The following BECN1 variants were observed in gnomAD, a reference collection of about 807,000 sequenced individuals.
The protein encoded by BECN1 is beclin 1, also known as beclin-1.
A neutral mutation model predicts 60.1 loss-of-function variants in BECN1; 15 were observed. That is an observed-to-expected ratio of 0.25 (90% CI 0.17 to 0.38). The LOEUF is 0.38. Ranked by LOEUF, BECN1 falls within the 10% of genes least tolerant of loss-of-function variation. The pLI, the probability that BECN1 is intolerant of heterozygous loss-of-function variation, is 1.00. For synonymous variants in BECN1, 179 were observed against 201.8 expected, an observed-to-expected ratio of 0.89 and a Z score of 0.96; for missense variants, 424 against 548.2, an observed-to-expected ratio of 0.77 and a Z score of 2.26.
At chr17:42,811,616 G>C (rs2055008128) in intron 11 of BECN1, 39 bp downstream of exon 11, 1 of 1,577,070 alleles carries the variant, frequency 6.3e-7, no homozygotes, top group African/African-American at 1.4e-5. Flanking sequence ...TGTTCAATTT[G>C]GTCCTATACA....
At chr17:42,811,013 C>A in intron 11 of BECN1, 85 bp from the exon 12 acceptor site, 1 of 1,345,170 alleles carries the variant, frequency 7.4e-7, no homozygotes, top group South Asian at 1.6e-5. Context: ...TGGGACCATT[C>A]ACGTCATTTT....
intron 6 of BECN1, 44 bp downstream of exon 6, chr17:42,818,500 T>A (rs1256721329): frequency 1.2e-6 from 2 of 1,613,656 alleles, no homozygotes; most frequent in East Asian, 2.2e-5. Flanking sequence ...CCAAGCAGTC[T>A]CAGAGCAGTA....
At chr17:42,821,872 A>G (rs761434364) in intron 2 of BECN1, among the ~76,000 whole-genome samples, 2 of 152,182 alleles carry the variant, frequency 1.3e-5, no homozygotes, top group South Asian at 2.1e-4. Context: ...TCTTGACTAT[A>G]TATGTCTCAA....
At chr17:42,818,986 G>A (rs373493084) in intron 4 of BECN1, 109 bp from the exon 5 acceptor site, 13 of 1,247,516 alleles carry the variant, frequency 1.0e-5, no homozygotes, top group Non-Finnish European at 1.4e-5. Flanking sequence ...GGGGCCTCAA[G>A]GAACATACCC....
intron 2 of BECN1, among the ~76,000 whole-genome samples, chr17:42,821,944 C>T (rs1442530578): frequency 1.3e-5 from 2 of 152,214 alleles, no homozygotes; most frequent in Non-Finnish European, 2.9e-5. Context: ...CGGTGGCTCA[C>T]GCCTGTAGTC....
intron 7 of BECN1, among the ~76,000 whole-genome samples, chr17:42,816,627 C>A (rs1299429460): frequency 7.5e-6 from 1 of 134,088 alleles, no homozygotes; most frequent in African/African-American, 2.8e-5. Context: ...CCAGACTGGG[C>A]AACAGAGCCG....
chr17:42,819,215 C>T, intron 4 of BECN1: 2 of 462,892 alleles, frequency 4.3e-6, no homozygotes, highest in Non-Finnish European at 3.8e-6. Flanking sequence ...TTACCTGCAG[C>T]AATGAGAACT....
intron 4 of BECN1, 23 bp downstream of exon 4, chr17:42,819,524 TG>T: frequency 6.2e-7 from 1 of 1,611,758 alleles, no homozygotes; most frequent in Non-Finnish European, 8.5e-7. Context: ...TGGCAAGGAA[TG>T]GGGGCTGAGA....
In BECN1 at chr17:42,814,436, C is replaced by T. The variant is rs142705970; in HGVS notation, c.980+88G>A. 372 of 1,554,880 alleles carry T rather than the reference C, an allele frequency of 2.4e-4. 1 individual carries two copies. In the East Asian group the frequency reaches 7.6e-3, roughly 32 times the overall value. On this transcript the variant is annotated intron_variant, in intron 9 of 11. Coordinates refer to ENST00000590099, the MANE Select transcript of BECN1 (RefSeq NM_001313998.2). ...ACTCCCAGTCTGTGGGCAGCAAGGG[C>T]TCCTGACATGGTGGACAGCAGTACC... is the stretch of plus-strand genomic sequence containing the variant.
At chr17:42,813,052 G>T (rs1478329477) in intron 10 of BECN1, among the ~76,000 whole-genome samples, 1 of 145,680 alleles carries the variant, frequency 6.9e-6, no homozygotes, top group Non-Finnish European at 1.5e-5. Context: ...CACTGTGTTA[G>T]CCAGGATGGT....
chr17:42,822,107 G>T (rs140184461), intron 2 of BECN1, among the ~76,000 whole-genome samples: 8 of 152,110 alleles, frequency 5.3e-5, no homozygotes, highest in Admixed American at 3.3e-4. Flanking sequence ...GGAGGCTGAC[G>T]CAGGACAATC....
chr17:42,811,591 C>T, intron 11 of BECN1, 64 bp downstream of exon 11: 1 of 1,552,106 alleles, frequency 6.4e-7, no homozygotes, highest in Non-Finnish European at 8.7e-7. Context: ...TCCATTATTA[C>T]TGCTGCTTCA....
chr17:42,819,579 C>T lies in BECN1; in HGVS notation c.229G>A (p.Gly77Ser). The change falls in exon 4 of 12, where the codon GGT (glycine) becomes AGT (serine). Residue 77 changes from glycine to serine, a missense_variant. This residue lies in a region of BECN1 where 96 missense variants were observed against 125.6 expected (regional missense o/e 0.76). Transcript: ENST00000590099. ...EPFIETPRQD[G>S]VSRRFIPPAR... ...GGGGGGATGAATCTGCGAGAGACAC[C>T]ATCCTGGCGAGGAGTTTCAATAAAT... 6.2e-7 allele frequency: 1 copy of T among 1,613,684 alleles called. No individual in the cohort carries two copies. The highest frequency in any genetic ancestry group is 8.5e-7 in the Non-Finnish European group (1 of 1,179,946).
chr17:42,811,568 A>G (rs951724627), intron 11 of BECN1, 87 bp downstream of exon 11: 4 of 1,518,794 alleles, frequency 2.6e-6, no homozygotes, highest in African/African-American at 1.4e-5. Context: ...CCCACCATTT[A>G]TACTGTTTTG....
In BECN1 at chr17:42,818,696, A is replaced by T. The variant is rs770241790; in HGVS notation, c.352-16T>A. On this transcript the variant is annotated splice_polypyrimidine_tract_variant and intron_variant, in intron 5 of 11. Transcript: ENST00000590099. ...CCCCAGTGACCTGGAAGTGTGGGAG[A>T]GTCAGGGTAGGGCCTCCCCCATGCT... The T allele has an allele frequency of 2.5e-6, 4 of 1,613,972 alleles. No individual in the cohort carries two copies. The highest frequency in any genetic ancestry group is 3.4e-6 in the Non-Finnish European group (4 of 1,179,962).
At chr17:42,814,314 T>G in intron 9 of BECN1, 2 of 640,046 alleles carry the variant, frequency 3.1e-6, no homozygotes, top group South Asian at 4.2e-5. Flanking sequence ...GGCTGGGAAC[T>G]ATGCTATAGT....
chr17:42,823,908 G>C (rs2055330732), intron 1 of BECN1, 29 bp from the exon 2 acceptor site: 3 of 1,606,454 alleles, frequency 1.9e-6, no homozygotes, highest in Non-Finnish European at 2.6e-6. Flanking sequence ...GGCAACATTA[G>C]GGAGAAGCGA....
Position 42,815,890 on chromosome 17 carries a change from T to TC in BECN1, c.830+17dup, listed in dbSNP as rs2055135007. Reference sequence around the variant, plus strand: ...GTCTAGATATGTGCAGTGCTCCTCATCCCCTAGCTCTCATTACCAGATGTG... The same window carrying TC: ...GTCTAGATATGTGCAGTGCTCCTCATCCCCCTAGCTCTCATTACCAGATGTG... On this transcript the variant is annotated intron_variant, in intron 8 of 11. Coordinates refer to ENST00000590099, the MANE Select transcript of BECN1 (RefSeq NM_001313998.2). 2 of 1,614,128 alleles carry TC rather than the reference T, an allele frequency of 1.2e-6. No individual in the cohort carries two copies. Among genetic ancestry groups the TC allele is most frequent in the African/African-American group, 2.7e-5 (2 of 75,046 alleles).
Position 42,820,816 on chromosome 17 carries a change from C to T in BECN1, c.156G>A (p.Ala52=), listed in dbSNP as rs200641576. ...LTAPLLTTAQ[A]KPGETQEEET... ...CTTCCTCCTGGGTCTCTCCTGGTTTCGCCTGGGCTGTGGTAAGTAATGGAG... is the reference window on the plus strand; with the variant it reads ...CTTCCTCCTGGGTCTCTCCTGGTTTTGCCTGGGCTGTGGTAAGTAATGGAG... The change falls in exon 3 of 12, where the codon GCG becomes GCA. Residue 52 remains alanine, a synonymous_variant. Coordinates refer to ENST00000590099, the MANE Select transcript of BECN1 (RefSeq NM_001313998.2). The T allele has an allele frequency of 3.0e-5, 48 of 1,598,600 alleles. No homozygotes were observed. Among genetic ancestry groups the T allele is most frequent in the Non-Finnish European group, 3.6e-5 (42 of 1,171,712 alleles).
Sources: gnomAD v4.1 joint callset for allele counts (sites outside exome capture counted in the v4.1 genomes callset) on GRCh38, gnomAD v4.1.1 for gene constraint, gnomAD v4.1.1 regional missense constraint, MANE v1.5 for transcripts, NCBI Gene and HGNC (gene_info 2026-07-23, HGNC 2026-07-21) for gene names.